DRC11: variants seen among roughly 807,000 people sequenced by gnomAD.
The protein encoded by DRC11 is IQ and AAA domain-containing protein 1.
chr2:236,412,199 C>G, the DRC11 span, among the ~76,000 whole-genome samples: 1 of 152,148 alleles, frequency 6.6e-6, no homozygotes, highest in East Asian at 1.9e-4. Flanking sequence ...CCAGCCAATT[C>G]TCACTTCTCA....
chr2:236,497,255 G>C, the DRC11 span: 1 of 1,613,652 alleles, frequency 6.2e-7, no homozygotes, highest in Non-Finnish European at 8.5e-7. This position sits in a 1 kb window ranked among gnomAD's most constrained non-coding sequence, Gnocchi z 5.1. Flanking sequence ...TCCAGGATGC[G>C]GCCCATCACC....
chr2:236,445,298 C>G, the DRC11 span, among the ~76,000 whole-genome samples: 4 of 152,114 alleles, frequency 2.6e-5, no homozygotes, highest in Non-Finnish European at 1.5e-5. This position sits in a 1 kb window ranked among gnomAD's most constrained non-coding sequence, Gnocchi z 4.8. Context: ...ATTACATTAT[C>G]ATGGTGCTTT....
chr2:236,365,609 G>C, the DRC11 span, among the ~76,000 whole-genome samples: 1 of 152,098 alleles, frequency 6.6e-6, no homozygotes, highest in Non-Finnish European at 1.5e-5. The surrounding 1 kb of genome is among the most constrained non-coding windows in gnomAD (Gnocchi z 7.4). Flanking sequence ...GGGTTGGGAG[G>C]GGGCAGCAGG....
the DRC11 span, among the ~76,000 whole-genome samples, chr2:236,314,831 T>C: frequency 4.1e-4 from 63 of 152,340 alleles, no homozygotes; most frequent in Non-Finnish European, 8.5e-4. The surrounding 1 kb of genome is among the most constrained non-coding windows in gnomAD (Gnocchi z 4.5). Flanking sequence ...AATATCACTT[T>C]CATGGACTGG....
chr2:236,430,991 A>G, the DRC11 span, among the ~76,000 whole-genome samples: 3 of 152,332 alleles, frequency 2.0e-5, no homozygotes, highest in East Asian at 5.8e-4. This position sits in a 1 kb window ranked among gnomAD's most constrained non-coding sequence, Gnocchi z 6.0. Context: ...TTTTGGGCTC[A>G]GGGCCAAATC....
the DRC11 span, among the ~76,000 whole-genome samples, chr2:236,366,975 ATTTTTT>A: frequency 1.6e-5 from 2 of 127,392 alleles, no homozygotes; most frequent in Non-Finnish European, 3.3e-5. Flanking sequence ...ACACCCGGCT[ATTTTTT>A]TTTTTTTTTT....
chr2:236,409,663 G>C, the DRC11 span, among the ~76,000 whole-genome samples: 50 of 152,134 alleles, frequency 3.3e-4, no homozygotes, highest in East Asian at 9.3e-3. Flanking sequence ...GGAGTGGTGA[G>C]AGAGGGCATC....
chr2:236,306,724 T>C, the DRC11 span, among the ~76,000 whole-genome samples: 76 of 152,258 alleles, frequency 5.0e-4, no homozygotes, highest in African/African-American at 1.7e-3. This position sits in a 1 kb window ranked among gnomAD's most constrained non-coding sequence, Gnocchi z 5.9. Context: ...GGGGAAGGCA[T>C]GTCAGATCCC....
chr2:236,477,465 G>A, the DRC11 span, among the ~76,000 whole-genome samples: 1 of 152,160 alleles, frequency 6.6e-6, no homozygotes, highest in African/African-American at 2.4e-5. Flanking sequence ...AGGAGAAAGA[G>A]GAGAGGTTGG....
chr2:236,442,363 G>A, the DRC11 span, among the ~76,000 whole-genome samples: 3 of 152,130 alleles, frequency 2.0e-5, no homozygotes, highest in African/African-American at 7.2e-5. Context: ...TTTTGTTTTG[G>A]TTGAAGTATA....
At chr2:236,416,596 G>A in the DRC11 span, among the ~76,000 whole-genome samples, 1 of 151,274 alleles carries the variant, frequency 6.6e-6, no homozygotes, top group Non-Finnish European at 1.5e-5. Flanking sequence ...AAGAACCACT[G>A]CGGGTCACAG....
At chr2:236,341,291 C>T in the DRC11 span, among the ~76,000 whole-genome samples, 20 of 152,346 alleles carry the variant, frequency 1.3e-4, no homozygotes, top group African/African-American at 4.6e-4. Flanking sequence ...TCATTCTTTA[C>T]CGCCTTCACC....
the DRC11 span, chr2:236,344,607 C>T: frequency 1.2e-6 from 2 of 1,613,728 alleles, no homozygotes; most frequent in Non-Finnish European, 8.5e-7. Context: ...TCTGTGTCTT[C>T]AATCCACACC....
At chr2:236,445,582 C>T in the DRC11 span, among the ~76,000 whole-genome samples, 2 of 152,032 alleles carry the variant, frequency 1.3e-5, no homozygotes, top group African/African-American at 2.4e-5. The surrounding 1 kb of genome is among the most constrained non-coding windows in gnomAD (Gnocchi z 4.8). Flanking sequence ...TCAGGTGATC[C>T]GCCTACCCCA....
At chr2:236,455,947 C>T in the DRC11 span, among the ~76,000 whole-genome samples, 1 of 152,040 alleles carries the variant, frequency 6.6e-6, no homozygotes, top group African/African-American at 2.4e-5. This position sits in a 1 kb window ranked among gnomAD's most constrained non-coding sequence, Gnocchi z 5.7. Flanking sequence ...CCCACCCCCA[C>T]CACTGGCAGC....
the DRC11 span, among the ~76,000 whole-genome samples, chr2:236,416,721 T>TTATATATATATATATA: frequency 2.8e-4 from 18 of 64,230 alleles, no homozygotes; most frequent in South Asian, 7.4e-4. Flanking sequence ...ATATATATAT[T>TTATATATATATATATA]TATATATATA....
At chr2:236,335,453 G>C in the DRC11 span, among the ~76,000 whole-genome samples, 1 of 152,166 alleles carries the variant, frequency 6.6e-6, no homozygotes, top group East Asian at 1.9e-4. This position sits in a 1 kb window ranked among gnomAD's most constrained non-coding sequence, Gnocchi z 5.6. Context: ...GAAGTGTCTG[G>C]TGCAGCTTTA....
At chr2:236,483,753 T>C in the DRC11 span, among the ~76,000 whole-genome samples, 1 of 152,252 alleles carries the variant, frequency 6.6e-6, no homozygotes, top group African/African-American at 2.4e-5. This position sits in a 1 kb window ranked among gnomAD's most constrained non-coding sequence, Gnocchi z 4.8. Context: ...CCGTGTCATT[T>C]AGAATGTGCC....
At chr2:236,420,074 C>A in the DRC11 span, among the ~76,000 whole-genome samples, 151 of 152,296 alleles carry the variant, frequency 9.9e-4, no homozygotes, top group African/African-American at 3.5e-3. This position sits in a 1 kb window ranked among gnomAD's most constrained non-coding sequence, Gnocchi z 4.8. Context: ...AAAAGGGAGC[C>A]AGCATCTCCG....
Sources: allele counts gnomAD v4.1 joint callset (sites outside exome capture counted in the v4.1 genomes callset), GRCh38; gene constraint gnomAD v4.1.1; non-coding constraint Gnocchi (gnomAD v3.1); transcripts MANE v1.5; gene names NCBI Gene and HGNC (gene_info 2026-07-23, HGNC 2026-07-21).